FSTL5: variants seen among roughly 807,000 people sequenced by gnomAD.
FSTL5 encodes the protein follistatin-related protein 5.
Under a neutral mutation model 89.1 loss-of-function variants are expected in FSTL5, and 62 were observed. The ratio of observed to expected loss-of-function variants is 0.70; its 90% CI spans 0.57 to 0.86. The LOEUF is 0.86. Among genes scored for constraint, FSTL5 ranks in the 40% least tolerant of loss-of-function variants. The pLI, the probability that FSTL5 is intolerant of heterozygous loss-of-function variation, is 0.00. For missense variants in FSTL5, 1,057 were observed against 1,001.6 expected (o/e 1.06, Z -0.75); for synonymous variants, 383 against 346.2 (o/e 1.11, Z -1.18).
intron 3 of FSTL5, among the ~76,000 whole-genome samples, chr4:161,969,019 A>G (rs1735407441): frequency 6.6e-6 from 1 of 151,828 alleles, no homozygotes; most frequent in African/African-American, 2.4e-5. Flanking sequence ...CTATTCAAAG[A>G]AATTTCCAAG....
rs568711834 is a variant in FSTL5 at position 161,811,987 on chromosome 4, A to G, written c.410-35913T>C. Among the ~76,000 whole-genome samples, 3 of 152,148 alleles carry G rather than the reference A, an allele frequency of 2.0e-5. No individual in the cohort carries two copies. In the East Asian group the frequency reaches 5.8e-4, roughly 29 times the overall value. On this transcript the variant is annotated intron_variant, in intron 4 of 15. Coordinates refer to ENST00000306100, the MANE Select transcript of FSTL5 (RefSeq NM_020116.5). ...TAACCAATGGGTTAAGTGTTGAAGT[A>G]ATACTTGACAATAATGGCTGGGAAA...
intron 15 of FSTL5, among the ~76,000 whole-genome samples, chr4:161,450,789 C>T (rs1349827349): frequency 7.0e-6 from 1 of 143,096 alleles, no homozygotes; most frequent in Non-Finnish European, 1.5e-5. Context: ...GTTGCCCAGA[C>T]TAGAGTGCAG....
intron 2 of FSTL5, among the ~76,000 whole-genome samples, chr4:162,067,633 A>G (rs972771993): frequency 3.9e-5 from 6 of 152,042 alleles, no homozygotes; most frequent in African/African-American, 1.4e-4. Context: ...CATTCCCCTT[A>G]AAAACCAGCA....
At chr4:161,485,161 T>C (rs770022915) in intron 12 of FSTL5, among the ~76,000 whole-genome samples, 2 of 152,218 alleles carry the variant, frequency 1.3e-5, no homozygotes, top group African/African-American at 2.4e-5. Flanking sequence ...ATTTACTTAC[T>C]ACCTGGCCAT....
At chr4:161,466,228 C>T (rs1405877900) in intron 13 of FSTL5, among the ~76,000 whole-genome samples, 1 of 152,116 alleles carries the variant, frequency 6.6e-6, no homozygotes, top group Non-Finnish European at 1.5e-5. Context: ...TTGTTGCTAT[C>T]TAAACTCCCT....
chr4:162,106,082 T>A (rs1055872085), intron 2 of FSTL5, among the ~76,000 whole-genome samples: 7 of 152,228 alleles, frequency 4.6e-5, no homozygotes, highest in African/African-American at 1.7e-4. Context: ...CACAAAGGAA[T>A]TCTTTGAATT....
chr4:161,584,355 TC>T (rs1448642828), intron 8 of FSTL5, among the ~76,000 whole-genome samples: 1 of 152,228 alleles, frequency 6.6e-6, no homozygotes, highest in Non-Finnish European at 1.5e-5. Flanking sequence ...GGACTATTCA[TC>T]TTCCAAAGAT....
intron 3 of FSTL5, among the ~76,000 whole-genome samples, chr4:162,020,960 A>C (rs575605971): frequency 6.6e-6 from 1 of 152,258 alleles, no homozygotes; most frequent in African/African-American, 2.4e-5. Flanking sequence ...TTGCTATAAA[A>C]GTGAGTAAAA....
chr4:162,151,064 T>C (rs1733205844), intron 1 of FSTL5, among the ~76,000 whole-genome samples: 1 of 152,164 alleles, frequency 6.6e-6, no homozygotes, highest in African/African-American at 2.4e-5. Flanking sequence ...AATAACACTA[T>C]CACATGAAGC....
intron 7 of FSTL5, among the ~76,000 whole-genome samples, chr4:161,617,325 C>T (rs191787596): frequency 2.0e-5 from 3 of 151,850 alleles, no homozygotes; most frequent in African/African-American, 7.2e-5. Flanking sequence ...AATTATGCCA[C>T]AAATAAATTA....
At chr4:161,688,811 G>A (rs1056069674) in intron 6 of FSTL5, among the ~76,000 whole-genome samples, 2 of 152,008 alleles carry the variant, frequency 1.3e-5, no homozygotes, top group African/African-American at 4.8e-5. Context: ...ACTACTGCTT[G>A]TTTATTCCCC....
chr4:161,702,681 G>A (rs968944716), intron 6 of FSTL5, among the ~76,000 whole-genome samples: 15 of 152,042 alleles, frequency 9.9e-5, no homozygotes, highest in African/African-American at 9.7e-5. Context: ...GTGATTTCTC[G>A]TGTCATAGCA....
At chr4:161,542,352 C>T (rs1019735069) in intron 9 of FSTL5, among the ~76,000 whole-genome samples, 180 bp downstream of exon 9, 2 of 151,936 alleles carry the variant, frequency 1.3e-5, no homozygotes, top group African/African-American at 2.4e-5. Context: ...ATTAAAAACA[C>T]TAAAATGTTA....
intron 6 of FSTL5, among the ~76,000 whole-genome samples, chr4:161,673,805 T>C (rs1322495129): frequency 6.6e-6 from 1 of 152,092 alleles, no homozygotes; most frequent in Non-Finnish European, 1.5e-5. Flanking sequence ...TATATTTTTA[T>C]ATTCATATTA....
At chr4:161,685,738 G>C (rs1281620695) in intron 6 of FSTL5, among the ~76,000 whole-genome samples, 1 of 151,964 alleles carries the variant, frequency 6.6e-6, no homozygotes, top group East Asian at 1.9e-4. Flanking sequence ...TTCCCAATTT[G>C]GATCCCCTTT....
intron 8 of FSTL5, among the ~76,000 whole-genome samples, chr4:161,565,923 T>C (rs1324260174): frequency 6.6e-6 from 1 of 151,282 alleles, no homozygotes; most frequent in East Asian, 1.9e-4. Flanking sequence ...TTTCTTTGGG[T>C]ATATATGTAG....
intron 8 of FSTL5, among the ~76,000 whole-genome samples, chr4:161,551,644 ATC>A (rs1197560146): frequency 1.3e-5 from 2 of 151,998 alleles, no homozygotes; most frequent in Non-Finnish European, 2.9e-5. Context: ...AGAGATATAG[ATC>A]CATGGAACAG....
intron 5 of FSTL5, among the ~76,000 whole-genome samples, chr4:161,764,760 C>T (rs2126794042): frequency 6.6e-6 from 1 of 152,182 alleles, no homozygotes. Context: ...CTACATGGCT[C>T]ACAAGGATTT....
At chr4:161,671,679 C>T (rs1199073102) in intron 6 of FSTL5, among the ~76,000 whole-genome samples, 1 of 151,830 alleles carries the variant, frequency 6.6e-6, no homozygotes, top group Non-Finnish European at 1.5e-5. Flanking sequence ...TAAACTACTC[C>T]ACCACTTAAA....
Sources: allele counts gnomAD v4.1 joint callset (sites outside exome capture counted in the v4.1 genomes callset), GRCh38; gene constraint gnomAD v4.1.1; transcripts MANE v1.5; gene names NCBI Gene and HGNC (gene_info 2026-07-23, HGNC 2026-07-21).